Variants in MIS18BP1 observed in about 807,000 individuals in gnomAD.
MIS18BP1 encodes the protein MIS18 binding protein 1, also known as mis18-binding protein 1.
A neutral mutation model predicts 116.1 loss-of-function variants in MIS18BP1; 72 were observed. The ratio of observed to expected loss-of-function variants is 0.62; its 90% CI spans 0.51 to 0.75. MIS18BP1 has a LOEUF of 0.75. MIS18BP1 is among the 30% of genes least tolerant of loss of function. MIS18BP1 has a pLI of 0.00. For missense variants in MIS18BP1, 1,363 were observed against 1,303.2 expected (o/e 1.05, Z -0.71); for synonymous variants, 386 against 427.0 (o/e 0.90, Z 1.18).
At position 45,247,082 on chromosome 14, in the gene MIS18BP1, A is replaced by C; in HGVS notation, c.205T>G (p.Phe69Val). 1 of 1,612,548 alleles carries C rather than the reference A, an allele frequency of 6.2e-7. No individual in the cohort carries two copies. Among genetic ancestry groups the C allele is most frequent in the Non-Finnish European group, 8.5e-7 (1 of 1,179,684 alleles). The change falls in exon 2 of 17, where the codon TTT becomes GTT. Residue 69 changes from phenylalanine to valine, a missense_variant. Phe to Val is a conservative substitution (Grantham distance 50, BLOSUM62 -1). Coordinates refer to ENST00000310806, the MANE Select transcript of MIS18BP1 (RefSeq NM_018353.5). ...GATTGAAATATATTTTTATTGTTAA[A>C]AGTTGTCATTTTTAGGAACTGATTC... ...KKNQFLKMTT[F>V]NNKNIFQSTM... is the part of the protein sequence containing the mutation.
intron 6 of MIS18BP1, among the ~76,000 whole-genome samples, chr14:45,234,146 G>T (rs1891361817): frequency 6.6e-6 from 1 of 151,954 alleles, no homozygotes; most frequent in Non-Finnish European, 1.5e-5. Flanking sequence ...AGTGTATACT[G>T]AATGTAGCAA....
chr14:45,242,699 T>A, intron 3 of MIS18BP1, 62 bp downstream of exon 3: 2 of 1,486,184 alleles, frequency 1.3e-6, no homozygotes, highest in Non-Finnish European at 1.8e-6. Context: ...GGAAAGTAAT[T>A]ACCTAGAACA....
intron 11 of MIS18BP1, among the ~76,000 whole-genome samples, chr14:45,221,034 C>A (rs1395147044): frequency 6.6e-6 from 1 of 152,088 alleles, no homozygotes; most frequent in Non-Finnish European, 1.5e-5. Flanking sequence ...ACTTGGGAGG[C>A]TGAGGCAGGA....
chr14:45,227,158 G>A (rs1021425583), intron 9 of MIS18BP1, among the ~76,000 whole-genome samples: 1 of 151,910 alleles, frequency 6.6e-6, no homozygotes, highest in African/African-American at 2.4e-5. Flanking sequence ...TGAGAGACAG[G>A]GAAAATAAAT....
At chr14:45,251,580 T>A (rs1891875480) in intron 1 of MIS18BP1, among the ~76,000 whole-genome samples, 1 of 151,968 alleles carries the variant, frequency 6.6e-6, no homozygotes, top group South Asian at 2.1e-4. Context: ...AACTGGGACA[T>A]AGAATTAGGG....
At position 45,224,021 on chromosome 14, in the gene MIS18BP1, C is replaced by T. The variant is rs529779619; in HGVS notation, c.2566G>A (p.Glu856Lys). The change falls in exon 11 of 17, where the codon GAG (glutamate) becomes AAG (lysine). Residue 856 changes from glutamate to lysine, a missense_variant. By Grantham distance (56) the Glu-to-Lys change is moderately conservative. Coordinates refer to ENST00000310806, the MANE Select transcript of MIS18BP1 (RefSeq NM_018353.5). ...SGVRKEFPIT[E>K]AVGSDKTNRH... ...TTTGTCTTATCAGATCCTACTGCCT[C>T]AGTAATTGGAAACTCTTTCCTAACA... 6 of 1,613,848 alleles carry T rather than the reference C, an allele frequency of 3.7e-6. No homozygotes were observed. In the Admixed American group the frequency reaches 1.0e-4, roughly 27 times the overall value.
intron 11 of MIS18BP1, 80 bp from the exon 12 acceptor site, chr14:45,218,534 G>T: frequency 1.6e-6 from 2 of 1,283,826 alleles, no homozygotes; most frequent in Non-Finnish European, 2.1e-6. Context: ...ACACTGAATT[G>T]ATGAGATTTA....
At chr14:45,207,174 G>C (rs1239162257) in intron 14 of MIS18BP1, among the ~76,000 whole-genome samples, 3 of 152,110 alleles carry the variant, frequency 2.0e-5, no homozygotes, top group Admixed American at 1.3e-4. Flanking sequence ...ACTTATGACA[G>C]TAAATACCAG....
intron 14 of MIS18BP1, 106 bp from the exon 15 acceptor site, chr14:45,206,276 A>C: frequency 1.4e-6 from 1 of 726,282 alleles, no homozygotes. Flanking sequence ...ACAATTGCCT[A>C]AATTAATTTC....
intron 1 of MIS18BP1, among the ~76,000 whole-genome samples, chr14:45,249,781 G>C (rs1891819064): frequency 6.6e-6 from 1 of 152,140 alleles, no homozygotes; most frequent in Non-Finnish European, 1.5e-5. Context: ...TGAGGCAGGA[G>C]AATCACTTGA....
intron 8 of MIS18BP1, among the ~76,000 whole-genome samples, chr14:45,229,043 A>G (rs1211262644): frequency 2.6e-5 from 4 of 152,092 alleles, no homozygotes; most frequent in South Asian, 2.1e-4. Flanking sequence ...TAACAGTTTC[A>G]TTAAGAAAAG....
At chr14:45,252,215 C>T (rs1359747939) in intron 1 of MIS18BP1, among the ~76,000 whole-genome samples, 1 of 152,038 alleles carries the variant, frequency 6.6e-6, no homozygotes, top group Non-Finnish European at 1.5e-5. Context: ...AAGTTCACTG[C>T]AGCATAAAAT....
At position 45,208,525 on chromosome 14, in the gene MIS18BP1, G is replaced by A. The variant is rs192223915; in HGVS notation, c.3152+1855C>T. On this transcript the variant is annotated intron_variant, in intron 14 of 16. Transcript: ENST00000310806. Reference sequence around the variant, plus strand: ...TTTTTTGTATTTTTAGTAGAGATGGGGTTTCACTATGTTGGCCAGACTGGT... The same window carrying A: ...TTTTTTGTATTTTTAGTAGAGATGGAGTTTCACTATGTTGGCCAGACTGGT... Among the ~76,000 whole-genome samples, 193 of 151,908 alleles carry A rather than the reference G, an allele frequency of 1.3e-3. 1 individual carries two copies. The highest frequency in any genetic ancestry group is 4.5e-3 in the African/African-American group (188 of 41,440).
At chr14:45,231,793 G>A (rs1199045717) in intron 7 of MIS18BP1, among the ~76,000 whole-genome samples, 1 of 152,022 alleles carries the variant, frequency 6.6e-6, no homozygotes, top group African/African-American at 2.4e-5. Flanking sequence ...TATTATATTT[G>A]TGCTGTGATT....
chr14:45,224,397 G>GT lies in MIS18BP1; in HGVS notation c.2189dup (p.Asn730LysfsTer3). 2 of 1,613,656 alleles carry GT rather than the reference G, an allele frequency of 1.2e-6. No individual in the cohort carries two copies. The highest frequency in any genetic ancestry group is 1.7e-6 in the Non-Finnish European group (2 of 1,179,860). On this transcript the variant is annotated frameshift_variant, in exon 11 of 17. Transcript: ENST00000310806. LOFTEE classifies it high-confidence loss of function. ...AGGTGAGCATTTGTTCCTTTTCAAG[G>GT]TTAGATATTTTTATTTTCCGGTTGA...
chr14:45,218,147 T>C (rs1890873103), intron 12 of MIS18BP1, 135 bp downstream of exon 12: 3 of 996,834 alleles, frequency 3.0e-6, no homozygotes, highest in Non-Finnish European at 4.3e-6. Flanking sequence ...AGATGATTTC[T>C]GAAATTCTCT....
intron 1 of MIS18BP1, among the ~76,000 whole-genome samples, chr14:45,248,224 C>T (rs935175500): frequency 2.6e-5 from 4 of 151,846 alleles, no homozygotes; most frequent in African/African-American, 9.7e-5. Context: ...TGCACCACCA[C>T]ACCCGGCTAA....
rs746382980 is a variant in MIS18BP1 at position 45,204,093 on chromosome 14, A to C, written c.*16T>G. The C allele has an allele frequency of 3.1e-6, 5 of 1,605,258 alleles. No individual in the cohort carries two copies. In the East Asian group the frequency reaches 9.0e-5, roughly 29 times the overall value. On this transcript the variant is annotated 3_prime_UTR_variant, in exon 17 of 17. Transcript: ENST00000310806. The stretch of plus-strand genomic sequence containing the variant: ...CTTTATGGTAAAAATCCCAGGAATC[A>C]TATTTTCTCATTTTACTATGCAGAA...
At chr14:45,245,939 C>T (rs1419933611) in intron 2 of MIS18BP1, among the ~76,000 whole-genome samples, 2 of 152,114 alleles carry the variant, frequency 1.3e-5, no homozygotes, top group Admixed American at 6.5e-5. Context: ...TTAATGAGCC[C>T]GCACTCCATT....
Sources: gnomAD v4.1 joint callset for allele counts (sites outside exome capture counted in the v4.1 genomes callset) on GRCh38, gnomAD v4.1.1 for gene constraint, MANE v1.5 for transcripts, NCBI Gene and HGNC (gene_info 2026-07-23, HGNC 2026-07-21) for gene names.